The following SPRED2 variants were observed in gnomAD, a reference collection of about 807,000 sequenced individuals.
The protein encoded by SPRED2 is sprouty related EVH1 domain containing 2.
A neutral mutation model predicts 43.0 loss-of-function variants in SPRED2; 47 were observed. That is an observed-to-expected ratio of 1.09 (90% CI 0.87 to 1.40). The LOEUF is 1.40. Ranked by LOEUF, SPRED2 falls within the 40% of genes most tolerant of loss-of-function variation. The pLI, the probability that SPRED2 is intolerant of heterozygous loss-of-function variation, is 0.00. For missense variants in SPRED2, 561 were observed against 586.4 expected, an observed-to-expected ratio of 0.96 and a Z score of 0.45; for synonymous variants, 225 against 225.7, an observed-to-expected ratio of 1.00 and a Z score of 0.03.
chr2:65,343,887 C>G (rs530143161), intron 2 of SPRED2, among the ~76,000 whole-genome samples: 1 of 152,110 alleles, frequency 6.6e-6, no homozygotes, highest in African/African-American at 2.4e-5. Flanking sequence ...TGGCTCATGC[C>G]TGTAATCCCA....
At chr2:65,344,521 C>G (rs2104265058) in intron 2 of SPRED2, 198 bp downstream of exon 2, 1 of 736,572 alleles carries the variant, frequency 1.4e-6, no homozygotes, top group East Asian at 2.7e-5. Context: ...AGCGTGTGGT[C>G]AAAAGAGACT....
intron 1 of SPRED2, among the ~76,000 whole-genome samples, chr2:65,354,597 CTTAT>C (rs1158084385): frequency 2.7e-5 from 4 of 150,090 alleles, no homozygotes; most frequent in Non-Finnish European, 3.0e-5. Flanking sequence ...TTTATCAATA[CTTAT>C]TTAATCTATC....
At chr2:65,418,850 T>G (rs1676351926) in intron 1 of SPRED2, among the ~76,000 whole-genome samples, 1 of 148,842 alleles carries the variant, frequency 6.7e-6, no homozygotes, top group East Asian at 1.9e-4. Flanking sequence ...CCACCGCACC[T>G]GGCCTTTAAT....
Position 65,341,908 on chromosome 2 carries a change from T to G in SPRED2, c.204+2811A>C, listed in dbSNP as rs999632575. ...AAAGACCAAAGAAGTGGAAAAAAAT[T>G]TCTATATATATAAAAATAAGAACTA... On this transcript the variant is annotated intron_variant, in intron 2 of 5. Transcript: ENST00000356388. 8.6e-5 allele frequency among the ~76,000 whole-genome samples: 13 copies of G among 151,992 alleles called. No homozygotes were observed. In the South Asian group the frequency reaches 2.1e-3, roughly 24 times the overall value.
At chr2:65,377,843 C>T (rs1187759444) in intron 1 of SPRED2, 2 of 383,914 alleles carry the variant, frequency 5.2e-6, no homozygotes, top group Non-Finnish European at 1.1e-5. Context: ...ACACAGCCTC[C>T]AGCAAAGGGG....
chr2:65,390,477 A>C (rs898701924), intron 1 of SPRED2, among the ~76,000 whole-genome samples: 9 of 152,102 alleles, frequency 5.9e-5, no homozygotes, highest in Non-Finnish European at 1.3e-4. Flanking sequence ...CAGCAAGAGG[A>C]GAGGCTGGAG....
intron 2 of SPRED2, among the ~76,000 whole-genome samples, chr2:65,338,177 GTCTCCCTCTCCC>G (rs372919778): frequency 2.1e-4 from 19 of 90,286 alleles, no homozygotes; most frequent in African/African-American, 7.4e-4. Flanking sequence ...CCCGTCTCCC[GTCTCCCTCTCCC>G]TCTCCCGTCT....
chr2:65,405,279 A>G (rs987267913), intron 1 of SPRED2, among the ~76,000 whole-genome samples: 3 of 152,248 alleles, frequency 2.0e-5, no homozygotes, highest in African/African-American at 7.2e-5. Flanking sequence ...TGACATAGTC[A>G]TTGAGGTGAT....
At chr2:65,345,589 T>C (rs1674330093) in intron 1 of SPRED2, among the ~76,000 whole-genome samples, 1 of 152,184 alleles carries the variant, frequency 6.6e-6, no homozygotes, top group African/African-American at 2.4e-5. Context: ...GTATTATGGT[T>C]TCAACCCTTT....
At chr2:65,422,582 T>C (rs927319993) in intron 1 of SPRED2, among the ~76,000 whole-genome samples, 2 of 152,304 alleles carry the variant, frequency 1.3e-5, no homozygotes, top group Middle Eastern at 3.4e-3. Flanking sequence ...ATTTATTTTA[T>C]CCAATACAAT....
intron 1 of SPRED2, among the ~76,000 whole-genome samples, chr2:65,430,701 G>C (rs1676657287): frequency 6.6e-6 from 1 of 152,042 alleles, no homozygotes; most frequent in African/African-American, 2.4e-5. Context: ...TCCAGGGCGC[G>C]TCCCCGCGGC....
At chr2:65,317,894 A>T (rs2104126304) in intron 4 of SPRED2, among the ~76,000 whole-genome samples, 1 of 152,202 alleles carries the variant, frequency 6.6e-6, no homozygotes, top group Admixed American at 6.5e-5. Flanking sequence ...TAGAGATGTC[A>T]AGTTAAGACT....
downstream of SPRED2, chr2:65,308,628 C>T (rs990081106): frequency 2.2e-6 from 2 of 899,384 alleles, no homozygotes; most frequent in South Asian, 5.1e-5. Flanking sequence ...GCACCTGCTG[C>T]GTATCCCACT....
intron 4 of SPRED2, among the ~76,000 whole-genome samples, chr2:65,327,396 A>C (rs1363659448): frequency 1.3e-5 from 2 of 152,226 alleles, no homozygotes; most frequent in African/African-American, 4.8e-5. Context: ...CAGGGGTTGC[A>C]AAATGCCTTG....
rs1417641529 is a variant in SPRED2 at position 65,311,526 on chromosome 2, A to G, written c.*1975T>C. Reference sequence around the variant, plus strand: ...CGAACATTAGTGTTGTGCTTTGTAGAGAAGAGACCCTAGAGAAAGACCCCA... The same window carrying G: ...CGAACATTAGTGTTGTGCTTTGTAGGGAAGAGACCCTAGAGAAAGACCCCA... On this transcript the variant is annotated 3_prime_UTR_variant, in exon 6 of 6. Coordinates refer to ENST00000356388, the MANE Select transcript of SPRED2 (RefSeq NM_181784.3). 3.0e-6 allele frequency: 3 copies of G among 985,756 alleles called. No individual in the cohort carries two copies. Among genetic ancestry groups the G allele is most frequent in the Non-Finnish European group, 3.6e-6 (3 of 829,944 alleles). 61.1% of individuals were successfully genotyped at this position (985,756 alleles called of 1,614,324 possible).
Position 65,344,906 on chromosome 2 carries a change from C to A in SPRED2, c.27-10G>T. Reference sequence around the variant, plus strand: ...CACAATATAGCTGTCACTAAAACGACAAGAAGAAGAAGCACAGGGCATGAC... The same window carrying A: ...CACAATATAGCTGTCACTAAAACGAAAAGAAGAAGAAGCACAGGGCATGAC... On this transcript the variant is annotated splice_polypyrimidine_tract_variant and intron_variant, in intron 1 of 5. Coordinates refer to ENST00000356388, the MANE Select transcript of SPRED2 (RefSeq NM_181784.3). 6.2e-7 allele frequency: 1 copy of A among 1,610,322 alleles called. No homozygotes were observed. The highest frequency in any genetic ancestry group is 2.2e-5 in the East Asian group (1 of 44,764).
At position 65,432,139 on chromosome 2, in the gene SPRED2, G is replaced by A; in HGVS notation, c.-152C>T. On this transcript the variant is annotated 5_prime_UTR_variant, in exon 1 of 6. Transcript: ENST00000356388. ...TGAAGAGGGCGCCGCAGCAGAAGGG[G>A]AAGCAGGGCGCGGGATAGGGTTTGG... 2 of 943,268 alleles carry A rather than the reference G, an allele frequency of 2.1e-6. No individual in the cohort carries two copies. The highest frequency in any genetic ancestry group is 3.3e-6 in the Non-Finnish European group (2 of 610,800). 58.4% of individuals were successfully genotyped at this position (943,268 alleles called of 1,614,324 possible).
At chr2:65,430,771 T>C (rs1418818641) in intron 1 of SPRED2, among the ~76,000 whole-genome samples, 1 of 151,766 alleles carries the variant, frequency 6.6e-6, no homozygotes, top group African/African-American at 2.4e-5. Flanking sequence ...ATGGCAGCAC[T>C]GAATGAAAGG....
chr2:65,372,421 G>A (rs947618807), intron 1 of SPRED2, among the ~76,000 whole-genome samples: 2 of 152,156 alleles, frequency 1.3e-5, no homozygotes, highest in Admixed American at 6.5e-5. Flanking sequence ...GGGAAGAGCC[G>A]GGGGCTTGAT....
Sources: gnomAD v4.1 joint callset for allele counts (sites outside exome capture counted in the v4.1 genomes callset) on GRCh38, gnomAD v4.1.1 for gene constraint, MANE v1.5 for transcripts, NCBI Gene and HGNC (gene_info 2026-07-23, HGNC 2026-07-21) for gene names.